Variants in SDK1 observed in about 807,000 individuals in gnomAD.
The protein encoded by SDK1 is protein sidekick-1.
SDK1 carries 157 observed loss-of-function variants against 245.5 expected under a neutral mutation model. The ratio of observed to expected loss-of-function variants is 0.64; its 90% CI spans 0.56 to 0.73. The LOEUF (loss-of-function observed/expected upper bound fraction) is 0.73, where lower values mean the gene tolerates loss of function less well. Ranked by LOEUF, SDK1 falls within the 30% of genes least tolerant of loss-of-function variation. The probability of loss-of-function intolerance (pLI) is 0.00; values close to 1 mark genes in which losing one functional copy is unlikely to be tolerated. For missense variants in SDK1, 3,583 were observed against 3,002.3 expected, an observed-to-expected ratio of 1.19 and a Z score of -4.52; for synonymous variants, 1,647 against 1,278.5, an observed-to-expected ratio of 1.29 and a Z score of -6.15.
intron 4 of SDK1, among the ~76,000 whole-genome samples, chr7:3,805,172 T>C (rs972499481): frequency 3.3e-5 from 5 of 152,260 alleles, no homozygotes; most frequent in Non-Finnish European, 7.3e-5. Context: ...ATTTGTGCTA[T>C]ATTTTATGCT....
chr7:3,775,818 C>T (rs1780541279), intron 4 of SDK1, among the ~76,000 whole-genome samples: 1 of 152,130 alleles, frequency 6.6e-6, no homozygotes, highest in Non-Finnish European at 1.5e-5. Context: ...CCTCATGATC[C>T]ACCCGCCTCG....
chr7:3,636,194 GC>G (rs1216581108), intron 2 of SDK1, among the ~76,000 whole-genome samples: 4 of 152,008 alleles, frequency 2.6e-5, no homozygotes. Context: ...GTTTCCTCCT[GC>G]CCTCTTCATT....
intron 1 of SDK1, among the ~76,000 whole-genome samples, chr7:3,343,863 A>G (rs1423577259): frequency 6.6e-6 from 1 of 152,180 alleles, no homozygotes; most frequent in African/African-American, 2.4e-5. Context: ...ATACAAACAA[A>G]AAACAGAATG....
At chr7:4,167,095 G>A (rs925356714) in intron 32 of SDK1, among the ~76,000 whole-genome samples, 2 of 152,122 alleles carry the variant, frequency 1.3e-5, no homozygotes, top group Non-Finnish European at 2.9e-5. Context: ...CTCCTACCAG[G>A]TCATTTGCAT....
intron 1 of SDK1, among the ~76,000 whole-genome samples, chr7:3,492,039 G>C (rs1781878413): frequency 6.6e-6 from 1 of 152,092 alleles, no homozygotes; most frequent in Middle Eastern, 3.2e-3. Context: ...GTTGGTTTCT[G>C]AATACAACTC....
intron 5 of SDK1, among the ~76,000 whole-genome samples, chr7:3,901,278 C>A (rs952480355): frequency 6.6e-6 from 1 of 152,090 alleles, no homozygotes; most frequent in Admixed American, 6.5e-5. Context: ...CCTCCGCCTC[C>A]CGGGTTCAAG....
chr7:4,161,934 T>C (rs973963399), intron 32 of SDK1, 78 bp downstream of exon 32: 1 of 1,297,260 alleles, frequency 7.7e-7, no homozygotes, highest in African/African-American at 1.5e-5. Flanking sequence ...ACGGCTGACA[T>C]GGACTGCAAG....
At chr7:3,998,911 C>A (rs1445350970) in intron 14 of SDK1, among the ~76,000 whole-genome samples, 1 of 152,184 alleles carries the variant, frequency 6.6e-6, no homozygotes, top group Non-Finnish European at 1.5e-5. Context: ...TATGCCTTGG[C>A]TACCAGGAAG....
At chr7:3,898,099 GAGA>G (rs1466367767) in intron 5 of SDK1, among the ~76,000 whole-genome samples, 1 of 152,226 alleles carries the variant, frequency 6.6e-6, no homozygotes, top group African/African-American at 2.4e-5. Flanking sequence ...CAGGGGCAGA[GAGA>G]AGATGTGAAC....
At chr7:3,852,281 G>A (rs1160149580) in intron 5 of SDK1, among the ~76,000 whole-genome samples, 2 of 151,780 alleles carry the variant, frequency 1.3e-5, no homozygotes, top group African/African-American at 2.4e-5. Context: ...CTGGCCAGCC[G>A]AGAGCGACGG....
intron 1 of SDK1, among the ~76,000 whole-genome samples, chr7:3,464,079 C>G (rs374317427): frequency 5.1e-4 from 78 of 152,206 alleles, no homozygotes; most frequent in African/African-American, 1.8e-3. Context: ...TGTGACTTAA[C>G]CAATTGTAAA....
chr7:4,197,511 C>T (rs1783653150), intron 35 of SDK1, among the ~76,000 whole-genome samples: 1 of 152,108 alleles, frequency 6.6e-6, no homozygotes, highest in South Asian at 2.1e-4. Context: ...TATTTGAAAA[C>T]ATTCTTCCAC....
At chr7:3,567,688 C>G (rs991354165) in intron 1 of SDK1, among the ~76,000 whole-genome samples, 4 of 152,188 alleles carry the variant, frequency 2.6e-5, no homozygotes, top group East Asian at 3.9e-4. Flanking sequence ...TGGTAAACCT[C>G]TGAGGGTTTT....
intron 4 of SDK1, among the ~76,000 whole-genome samples, chr7:3,781,518 C>A (rs1030895196): frequency 6.6e-6 from 1 of 152,040 alleles, no homozygotes; most frequent in Non-Finnish European, 1.5e-5. Context: ...TACAATGACT[C>A]AAGGGAATCA....
chr7:3,415,806 A>C (rs566525539), intron 1 of SDK1, among the ~76,000 whole-genome samples: 1 of 151,930 alleles, frequency 6.6e-6, no homozygotes, highest in Non-Finnish European at 1.5e-5. Flanking sequence ...TTCTTCACCA[A>C]TTTCCATTGC....
At chr7:3,508,938 C>T (rs1260070070) in intron 1 of SDK1, among the ~76,000 whole-genome samples, 2 of 152,138 alleles carry the variant, frequency 1.3e-5, no homozygotes, top group Admixed American at 6.5e-5. Flanking sequence ...TTTTTCTGCT[C>T]TTAAAGGATA....
chr7:4,111,037 A>G (rs1216100274), intron 23 of SDK1, among the ~76,000 whole-genome samples: 1 of 152,150 alleles, frequency 6.6e-6, no homozygotes, highest in African/African-American at 2.4e-5. Context: ...GCCCACTGTT[A>G]TTATATTAGG....
At chr7:3,990,465 G>C (rs1041076357) in intron 14 of SDK1, among the ~76,000 whole-genome samples, 4 of 152,238 alleles carry the variant, frequency 2.6e-5, no homozygotes, top group Non-Finnish European at 5.9e-5. Context: ...GGGTGTTACT[G>C]ATTCAGATAA....
At chr7:4,253,660 A>G (rs6963133) in intron 44 of SDK1, among the ~76,000 whole-genome samples, 1 of 152,136 alleles carries the variant, frequency 6.6e-6, no homozygotes, top group African/African-American at 2.4e-5. Flanking sequence ...CTGATTTATC[A>G]TGTTGTTTCC....
Sources: gnomAD v4.1 joint callset for allele counts (sites outside exome capture counted in the v4.1 genomes callset) on GRCh38, gnomAD v4.1.1 for gene constraint, MANE v1.5 for transcripts, NCBI Gene and HGNC (gene_info 2026-07-23, HGNC 2026-07-21) for gene names.